The following EFHC2 variants were observed in gnomAD, a reference collection of about 807,000 sequenced individuals.
EFHC2 encodes EF-hand domain containing 2, also known as EF-hand domain-containing family member C2.
A neutral mutation model predicts 52.7 loss-of-function variants in EFHC2; 18 were observed. That is an observed-to-expected ratio of 0.34 (90% confidence interval 0.24 to 0.51). The LOEUF is 0.51. Among genes scored for constraint, EFHC2 ranks in the 20% least tolerant of loss-of-function variants. The probability of loss-of-function intolerance (pLI) is 0.97; values close to 1 mark genes in which losing one functional copy is unlikely to be tolerated. For missense variants in EFHC2, 513 were observed against 562.5 expected (o/e 0.91, Z 0.89); for synonymous variants, 203 against 204.1 (o/e 0.99, Z 0.04).
At chrX:44,286,466 T>C (rs1228418481) in intron 2 of EFHC2, among the ~76,000 whole-genome samples, 1 of 111,362 alleles carries the variant, frequency 9.0e-6, no homozygotes, top group African/African-American at 3.3e-5. Flanking sequence ...GGCAGGAGGG[T>C]TAAGGTAAAC....
chrX:44,213,136 A>G (rs186351525), intron 11 of EFHC2, among the ~76,000 whole-genome samples: 36 of 111,044 alleles, frequency 3.2e-4, no homozygotes, highest in African/African-American at 1.1e-3. Context: ...AGACTCAGAT[A>G]TGGCAGAGAA....
At chrX:44,255,805 A>G (rs2037487136) in intron 4 of EFHC2, among the ~76,000 whole-genome samples, 1 of 111,885 alleles carries the variant, frequency 8.9e-6, no homozygotes, top group African/African-American at 3.3e-5. Flanking sequence ...CTCCACCCCA[A>G]ATCAACAGAG....
chrX:44,173,237 G>C (rs1430958306), intron 13 of EFHC2, among the ~76,000 whole-genome samples: 1 of 111,857 alleles, frequency 8.9e-6, no homozygotes, highest in Non-Finnish European at 1.9e-5. Context: ...TCCATTCCAA[G>C]GCAGGTAAAA....
chrX:44,250,057 C>T (rs1196887494), intron 5 of EFHC2, 137 bp downstream of exon 5: 1 of 707,663 alleles, frequency 1.4e-6, no homozygotes. Flanking sequence ...TAATAGAGGG[C>T]ACAAAATGAA....
chrX:44,241,771 C>T (rs2037360754), intron 8 of EFHC2, among the ~76,000 whole-genome samples: 1 of 112,309 alleles, frequency 8.9e-6, no homozygotes, highest in South Asian at 3.7e-4. Flanking sequence ...GTATGGCCCA[C>T]AAGGCCAAAA....
intron 11 of EFHC2, among the ~76,000 whole-genome samples, chrX:44,215,531 G>C (rs184026832): frequency 0.011 from 1,041 of 94,958 alleles, 13 homozygotes; most frequent in African/African-American, 0.052. Context: ...ACTTCCATTG[G>C]GGGGGGGTGG....
chrX:44,207,848 C>A (rs1430569627), intron 11 of EFHC2, among the ~76,000 whole-genome samples: 1 of 112,527 alleles, frequency 8.9e-6, no homozygotes, highest in Non-Finnish European at 1.9e-5. Context: ...CATGAACAGA[C>A]ACTTCTCAAA....
In EFHC2 at chrX:44,165,773, G is replaced by GCC. The variant is rs752837281; in HGVS notation, c.2043-1748_2043-1747dup. Among the ~76,000 whole-genome samples the GCC allele has an allele frequency of 8.9e-3, 987 of 111,424 alleles. 9 individuals are homozygous for GCC. The highest frequency in any genetic ancestry group is 0.015 in the Non-Finnish European group (784 of 53,051). On this transcript the variant is annotated intron_variant, in intron 13 of 14. Coordinates refer to ENST00000420999, the MANE Select transcript of EFHC2 (RefSeq NM_025184.4). ...GTCCCCTCAAAATTCATATATTGAG[G>GCC]CCTCATCAATGTGATGATATTAGGA...
intron 14 of EFHC2, among the ~76,000 whole-genome samples, chrX:44,151,142 C>CT (rs2036567380): frequency 9.0e-6 from 1 of 111,191 alleles, no homozygotes; most frequent in Non-Finnish European, 1.9e-5. Context: ...AAGTATGGCC[C>CT]TGCTGACACC....
At chrX:44,184,320 G>T (rs1253859508) in intron 11 of EFHC2, among the ~76,000 whole-genome samples, 1 of 111,900 alleles carries the variant, frequency 8.9e-6, no homozygotes, top group Non-Finnish European at 1.9e-5. Context: ...AGAATGGAAT[G>T]TTCTTCCCCA....
intron 13 of EFHC2, among the ~76,000 whole-genome samples, chrX:44,175,911 T>C (rs941946438): frequency 8.9e-6 from 1 of 111,830 alleles, no homozygotes; most frequent in East Asian, 2.8e-4. Flanking sequence ...CAGAGCCCCA[T>C]GCTAATAACC....
intron 2 of EFHC2, among the ~76,000 whole-genome samples, chrX:44,303,222 C>T (rs1036165262): frequency 6.3e-5 from 7 of 111,245 alleles, no homozygotes; most frequent in Non-Finnish European, 1.3e-4. Context: ...CAACATCAGA[C>T]AAGGCCACTC....
At chrX:44,189,802 C>G (rs907646794) in intron 11 of EFHC2, among the ~76,000 whole-genome samples, 1 of 111,082 alleles carries the variant, frequency 9.0e-6, no homozygotes, top group African/African-American at 3.3e-5. Flanking sequence ...CCTTTTCTAC[C>G]GAGATGAAAA....
rs148916177 is a variant in EFHC2, at chrX:44,272,940, A to G, written c.232-104T>C. 5,151 of 701,078 alleles carry G rather than the reference A, an allele frequency of 7.3e-3. 172 individuals carry two copies. In the African/African-American group the frequency reaches 0.098, roughly 13 times the overall value. The allele number at this position is 701,078 out of a possible 1,213,427, so 57.8% of individuals were successfully genotyped here. A position where few individuals can be genotyped will look rare whatever the true frequency, so the allele number is the denominator to read the frequency against. On this transcript the variant is annotated intron_variant, in intron 2 of 14. Coordinates refer to ENST00000420999, the MANE Select transcript of EFHC2 (RefSeq NM_025184.4). ...TACTTTTTGTTAATATAAAGAAAAAAGTAGAGAGAATTTTTCCAAGAACTC... is the reference window on the plus strand; with the variant it reads ...TACTTTTTGTTAATATAAAGAAAAAGGTAGAGAGAATTTTTCCAAGAACTC...
intron 1 of EFHC2, among the ~76,000 whole-genome samples, chrX:44,318,631 T>C (rs1430568371): frequency 8.9e-6 from 1 of 112,223 alleles, no homozygotes; most frequent in Non-Finnish European, 1.9e-5. Flanking sequence ...GATGGGCAGA[T>C]TCATGAGGCC....
At chrX:44,331,516 T>TAC (rs1405799102) in intron 1 of EFHC2, among the ~76,000 whole-genome samples, 1 of 111,599 alleles carries the variant, frequency 9.0e-6, no homozygotes, top group African/African-American at 3.3e-5. Flanking sequence ...TTAGACTAAA[T>TAC]ACACACACAC....
chrX:44,240,575 C>T (rs1244316673), intron 8 of EFHC2, among the ~76,000 whole-genome samples: 1 of 112,080 alleles, frequency 8.9e-6, no homozygotes, highest in East Asian at 2.8e-4. Context: ...GGGTGGCTGT[C>T]CTTAAAAACA....
chrX:44,321,932 T>A (rs895055983), intron 1 of EFHC2, among the ~76,000 whole-genome samples: 1 of 111,807 alleles, frequency 8.9e-6, no homozygotes. Flanking sequence ...AAAGATCATC[T>A]AAATGTCATC....
At chrX:44,309,378 T>C in intron 2 of EFHC2, 1 of 864,816 alleles carries the variant, frequency 1.2e-6, no homozygotes, top group South Asian at 2.0e-5. Flanking sequence ...CATCCTCTGA[T>C]ACTCGCCTAC....
Sources: gnomAD v4.1 joint callset for allele counts (sites outside exome capture counted in the v4.1 genomes callset) on GRCh38, gnomAD v4.1.1 for gene constraint, MANE v1.5 for transcripts, NCBI Gene and HGNC (gene_info 2026-07-23, HGNC 2026-07-21) for gene names.